The following KIAA1217 variants were observed in gnomAD, a reference collection of about 807,000 sequenced individuals.
KIAA1217 encodes sickle tail protein homolog.
Under a neutral mutation model 163.9 loss-of-function variants are expected in KIAA1217, and 88 were observed. That is an observed-to-expected ratio of 0.54 (90% CI 0.45 to 0.64). KIAA1217 has a LOEUF of 0.64. Among genes scored for constraint, KIAA1217 ranks in the 30% least tolerant of loss-of-function variants. The pLI is 0.00. For synonymous variants in KIAA1217, 903 were observed against 923.1 expected (o/e 0.98, Z 0.39); for missense variants, 2,372 against 2,475.0 (o/e 0.96, Z 0.88).
In KIAA1217 at chr10:24,095,562, T is replaced by A. The variant is rs12355067; in HGVS notation, c.-171+88188T>A. Among the ~76,000 whole-genome samples the A allele has an allele frequency of 5.7e-3, 867 of 152,206 alleles. 4 individuals are homozygous for A. Among genetic ancestry groups the A allele is most frequent in the Middle Eastern group, 0.01 (3 of 292 alleles). On this transcript the variant is annotated intron_variant, in intron 2 of 18. Coordinates refer to the KIAA1217 transcript ENST00000376462. Reference sequence around the variant, plus strand: ...TGGCTTCATTTTCTCAGACCCAAGTTCTTTCTTCTCTACTCAACCTTTCCA... The same window carrying A: ...TGGCTTCATTTTCTCAGACCCAAGTACTTTCTTCTCTACTCAACCTTTCCA...
At chr10:24,090,452 T>G (rs1325943047) in intron 2 of KIAA1217, among the ~76,000 whole-genome samples, 2 of 148,430 alleles carry the variant, frequency 1.3e-5, no homozygotes, top group African/African-American at 2.5e-5. Flanking sequence ...AGTCCTAGGA[T>G]TACAGGCATG....
At chr10:24,081,891 A>G (rs747346087) in intron 2 of KIAA1217, among the ~76,000 whole-genome samples, 90 of 152,156 alleles carry the variant, frequency 5.9e-4, no homozygotes, top group Non-Finnish European at 1.1e-3. Context: ...AGCTACTTAC[A>G]TTCTAGTGTC....
chr10:23,799,050 G>T (rs1836346368), intron 1 of KIAA1217, among the ~76,000 whole-genome samples: 1 of 152,148 alleles, frequency 6.6e-6, no homozygotes, highest in African/African-American at 2.4e-5. Context: ...AGCTTCTGGT[G>T]GTTGCTGGCA....
chr10:23,790,392 TATATATAC>T lies in KIAA1217; in HGVS notation c.-321+95172_-321+95179del, dbSNP rs1366371269. On this transcript the variant is annotated intron_variant, in intron 1 of 18. Transcript: ENST00000376462. Reference sequence around the variant, plus strand: ...ATATACATATGTATATATACATATGTATATATACATATATACATATACATATATACATA... The same window carrying T: ...ATATACATATGTATATATACATATGTATATATACATATACATATATACATA... 1.3e-4 allele frequency among the ~76,000 whole-genome samples: 11 copies of T among 82,470 alleles called. 2 individuals are homozygous for T. Among genetic ancestry groups the T allele is most frequent in the Admixed American group, 2.6e-4 (2 of 7,798 alleles). The allele number at this position is 82,470 out of a possible 152,430, so 54.1% of individuals were successfully genotyped here. A position where few individuals can be genotyped will look rare whatever the true frequency, so the allele number is the denominator to read the frequency against.
chr10:24,204,262 T>G (rs2067425962), upstream of KIAA1217, among the ~76,000 whole-genome samples: 2 of 152,114 alleles, frequency 1.3e-5, no homozygotes, highest in South Asian at 4.1e-4. Context: ...TTAAGGACTT[T>G]AAGTAAGGGA....
intron 6 of KIAA1217, 66 bp from the exon 7 acceptor site, chr10:24,494,434 C>G (rs554992497): frequency 5.9e-4 from 764 of 1,297,948 alleles, no homozygotes; most frequent in East Asian, 1.5e-3. Context: ...TCAGGTGGTG[C>G]ATTCACCCGG....
intron 1 of KIAA1217, among the ~76,000 whole-genome samples, chr10:23,835,008 A>T (rs1838381675): frequency 6.6e-6 from 1 of 152,186 alleles, no homozygotes; most frequent in Non-Finnish European, 1.5e-5. Flanking sequence ...ATGCTCTGGC[A>T]TTTGGGAAAG....
chr10:23,934,378 TG>T (rs934921322), intron 1 of KIAA1217, among the ~76,000 whole-genome samples: 3 of 144,014 alleles, frequency 2.1e-5, no homozygotes, highest in African/African-American at 7.8e-5. Context: ...TAGGGCCTGT[TG>T]GGGGGTGAGG....
chr10:24,130,592 A>G (rs2063618226), intron 2 of KIAA1217, among the ~76,000 whole-genome samples: 1 of 152,210 alleles, frequency 6.6e-6, no homozygotes, highest in Non-Finnish European at 1.5e-5. Context: ...GAGTTCCTGC[A>G]TTCTTAATTG....
At chr10:24,025,381 A>G (rs1040768179) in intron 2 of KIAA1217, among the ~76,000 whole-genome samples, 2 of 151,776 alleles carry the variant, frequency 1.3e-5, no homozygotes, top group African/African-American at 2.4e-5. Context: ...TATATATCTC[A>G]TCTTATTCCA....
At position 23,905,063 on chromosome 10, in the gene KIAA1217, CTTTT is replaced by C. The variant is rs562938938; in HGVS notation, c.-320-102142_-320-102139del. 7.0e-3 allele frequency among the ~76,000 whole-genome samples: 703 copies of C among 99,938 alleles called. 2 individuals carry two copies. Among genetic ancestry groups the C allele is most frequent in the African/African-American group, 0.026 (672 of 25,732 alleles). The allele number at this position is 99,938 out of a possible 152,430, so 65.6% of individuals were successfully genotyped here. ...ATTGGGATTCTTCTTTTCTCTTTTCCTTTTTTTTTTTTTTTTTTTTTTTAGCAGA... is the reference window on the plus strand; with the variant it reads ...ATTGGGATTCTTCTTTTCTCTTTTCCTTTTTTTTTTTTTTTTTTTAGCAGA... On this transcript the variant is annotated intron_variant, in intron 1 of 18. Coordinates refer to the KIAA1217 transcript ENST00000376462.
At chr10:23,930,286 A>G (rs1286978084) in intron 1 of KIAA1217, among the ~76,000 whole-genome samples, 1 of 152,172 alleles carries the variant, frequency 6.6e-6, no homozygotes, top group Non-Finnish European at 1.5e-5. Context: ...TAAGGGATTT[A>G]AAAAATCAAC....
intron 1 of KIAA1217, among the ~76,000 whole-genome samples, chr10:23,709,495 C>G (rs777165875): frequency 1.5e-4 from 23 of 151,044 alleles, no homozygotes; most frequent in Non-Finnish European, 3.2e-4. Context: ...TGCCACTGCA[C>G]TTCAGCATGA....
intron 1 of KIAA1217, among the ~76,000 whole-genome samples, chr10:23,774,515 C>G (rs1280597804): frequency 1.3e-5 from 2 of 152,156 alleles, no homozygotes; most frequent in Non-Finnish European, 2.9e-5. Context: ...GACCTGGGGC[C>G]CACTGCCTAG....
intron 1 of KIAA1217, among the ~76,000 whole-genome samples, chr10:23,868,433 A>G (rs147878801): frequency 6.6e-6 from 1 of 152,148 alleles, no homozygotes; most frequent in Non-Finnish European, 1.5e-5. Flanking sequence ...AAAGACAGGC[A>G]AAGAGATTTG....
intron 2 of KIAA1217, among the ~76,000 whole-genome samples, chr10:24,112,081 G>A (rs560921571): frequency 2.0e-5 from 3 of 152,240 alleles, no homozygotes; most frequent in African/African-American, 7.2e-5. Context: ...GATTAGAGGC[G>A]TGAGCCACTG....
intron 2 of KIAA1217, among the ~76,000 whole-genome samples, chr10:24,071,735 A>G (rs1430676879): frequency 6.6e-6 from 1 of 152,208 alleles, no homozygotes; most frequent in East Asian, 1.9e-4. Flanking sequence ...TGAGAGAAAC[A>G]TGAACTGTGA....
chr10:24,029,101 C>T (rs1848087153), intron 2 of KIAA1217, among the ~76,000 whole-genome samples: 1 of 151,896 alleles, frequency 6.6e-6, no homozygotes, highest in African/African-American at 2.4e-5. Flanking sequence ...TCCTAGCTGC[C>T]CATAAGTGGA....
chr10:24,259,240 C>A (rs1391296804), intron 2 of KIAA1217, among the ~76,000 whole-genome samples: 1 of 151,914 alleles, frequency 6.6e-6, no homozygotes, highest in Non-Finnish European at 1.5e-5. Flanking sequence ...TAGATGTGGG[C>A]GGTTTCTTGT....
Sources: gnomAD v4.1 joint callset for allele counts (sites outside exome capture counted in the v4.1 genomes callset) on GRCh38, gnomAD v4.1.1 for gene constraint, MANE v1.5 for transcripts, NCBI Gene and HGNC (gene_info 2026-07-23, HGNC 2026-07-21) for gene names.